DHX34: variants seen among roughly 807,000 people sequenced by gnomAD.
DHX34 encodes the protein DExH-box helicase 34.
Under a neutral mutation model 111.1 loss-of-function variants are expected in DHX34, and 96 were observed. That is an observed-to-expected ratio of 0.86 (90% CI 0.73 to 1.02). The LOEUF (loss-of-function observed/expected upper bound fraction) is 1.02, where lower values mean the gene tolerates loss of function less well. Among genes scored for constraint, DHX34 ranks in the 50% least tolerant of loss-of-function variants. The pLI, the probability that DHX34 is intolerant of heterozygous loss-of-function variation, is 0.00. For synonymous variants in DHX34, 688 were observed against 670.4 expected (o/e 1.03, Z -0.41); for missense variants, 1,560 against 1,579.9 (o/e 0.99, Z 0.21).
intron 6 of DHX34, 142 bp from the exon 7 acceptor site, chr19:47,366,839 G>T: frequency 7.4e-7 from 1 of 1,354,098 alleles, no homozygotes; most frequent in Non-Finnish European, 9.6e-7. Flanking sequence ...CTTTCAAAGT[G>T]CTGGGATTAC....
chr19:47,367,198 C>T (rs560870337), intron 7 of DHX34, 43 bp downstream of exon 7: 21 of 1,387,454 alleles, frequency 1.5e-5, no homozygotes, highest in African/African-American at 1.2e-4. Context: ...GCCCCAGGAG[C>T]GGGTATGGGC....
At chr19:47,377,025 C>G in intron 12 of DHX34, 75 bp from the exon 13 acceptor site, 1 of 1,607,924 alleles carries the variant, frequency 6.2e-7, no homozygotes, top group South Asian at 1.1e-5. Context: ...GTACTTTGAC[C>G]GGGTGGGACA....
At chr19:47,380,674 C>T (rs1970322997) in intron 14 of DHX34, 142 bp from the exon 15 acceptor site, 1 of 1,470,540 alleles carries the variant, frequency 6.8e-7, no homozygotes, top group South Asian at 1.4e-5. Context: ...TGTGTGTCTG[C>T]AGCCAAATTG....
At chr19:47,352,112 A>C (rs1190037282) in intron 1 of DHX34, among the ~76,000 whole-genome samples, 1 of 152,178 alleles carries the variant, frequency 6.6e-6, no homozygotes, top group Non-Finnish European at 1.5e-5. Flanking sequence ...TGTGACCTAC[A>C]TCTCTCCTTT....
Position 47,353,067 on chromosome 19 carries a change from C to G in DHX34, c.37C>G (p.Arg13Gly). 1 of 1,613,730 alleles carries G rather than the reference C, an allele frequency of 6.2e-7. No homozygotes were observed. The highest frequency in any genetic ancestry group is 8.5e-7 in the Non-Finnish European group (1 of 1,179,700). The part of the protein sequence containing the change: ...PPRTREGRDR[R>G]DHHRAPSEEE... ...TAGAACAAGGGAGGGCAGGGATCGC[C>G]GAGACCACCACCGGGCTCCCAGCGA... Residue 13 changes from arginine to glycine, a missense_variant, in exon 2 of 17, where the codon CGA (arginine) becomes GGA (glycine). Coordinates refer to ENST00000328771, the MANE Select transcript of DHX34 (RefSeq NM_014681.6). This position sits in a 1 kb window ranked among gnomAD's most constrained non-coding sequence, Gnocchi z 4.6.
In DHX34 at chr19:47,380,887, A is replaced by C. The variant is rs149180728; in HGVS notation, c.3054A>C (p.Pro1018=). ...QNMYVGPQTI[P]ATPHLPGLFG... ...TGTATGTGGGACCCCAGACCATCCC[A>C]GCCACCCCCCATCTTCCTGGCCTCT... Residue 1018 remains proline (P), a synonymous_variant, in exon 15 of 17, where the codon CCA becomes CCC. Transcript: ENST00000328771. 3.7e-6 allele frequency: 6 copies of C among 1,613,428 alleles called. No homozygotes were observed. The African/African-American group carries it at 8.0e-5, about 22-fold the overall frequency.
chr19:47,353,593 G>T lies in DHX34; in HGVS notation c.563G>T (p.Gly188Val). Reference protein sequence around the residue: ...HQVVVVAGDTGCGKSTQVPQY... With the variant: ...HQVVVVAGDTVCGKSTQVPQY... The stretch of plus-strand genomic sequence containing the variant: ...GTGGTGGTAGTGGCCGGTGACACCG[G>T]CTGTGGCAAGTCCACTCAGGTGCCC... The change falls in exon 2 of 17, where the codon GGC becomes GTC. Residue 188 changes from glycine (G) to valine (V), a missense_variant. Gly to Val is a moderately radical substitution (Grantham distance 109, BLOSUM62 -3). Coordinates refer to ENST00000328771, the MANE Select transcript of DHX34 (RefSeq NM_014681.6). This position sits in a 1 kb window ranked among gnomAD's most constrained non-coding sequence, Gnocchi z 4.6. The T allele has an allele frequency of 6.2e-7, 1 of 1,613,074 alleles. No individual in the cohort carries two copies. Among genetic ancestry groups the T allele is most frequent in the Non-Finnish European group, 8.5e-7 (1 of 1,180,008 alleles).
In DHX34 at chr19:47,379,165, G is replaced by T. The variant is rs561228381; in HGVS notation, c.2707-545G>T. Among the ~76,000 whole-genome samples, 17 of 151,928 alleles carry T rather than the reference G, an allele frequency of 1.1e-4. No homozygotes were observed. The South Asian group carries it at 1.9e-3, about 17-fold the overall frequency. On this transcript the variant is annotated intron_variant, in intron 13 of 16. Transcript: ENST00000328771. ...AAATTAATAATAATAATAATAAGAAGAAGAAGATGGAGAAACTTCACATTC... is the reference window on the plus strand; with the variant it reads ...AAATTAATAATAATAATAATAAGAATAAGAAGATGGAGAAACTTCACATTC...
Position 47,371,370 on chromosome 19 carries a change from G to A in DHX34, c.1769-1360G>A, listed in dbSNP as rs147464819. Reference sequence around the variant, plus strand: ...GTGCTGGGCGTCCTCTGTGCCAGGTGGAGTTCTGAACGCTTCACAGGGTGA... The same window carrying A: ...GTGCTGGGCGTCCTCTGTGCCAGGTAGAGTTCTGAACGCTTCACAGGGTGA... On this transcript the variant is annotated intron_variant, in intron 7 of 16. Coordinates refer to ENST00000328771, the MANE Select transcript of DHX34 (RefSeq NM_014681.6). 5.6e-4 allele frequency among the ~76,000 whole-genome samples: 86 copies of A among 152,358 alleles called. 1 individual carries two copies. In the East Asian group the frequency reaches 9.5e-3, roughly 17 times the overall value.
At chr19:47,351,863 G>A (rs1969297843) in intron 1 of DHX34, among the ~76,000 whole-genome samples, 1 of 152,168 alleles carries the variant, frequency 6.6e-6, no homozygotes, top group Non-Finnish European at 1.5e-5. Context: ...TCAGAACCAT[G>A]TAGAATCGAG....
At chr19:47,366,865 C>G (rs183715346) in intron 6 of DHX34, 116 bp from the exon 7 acceptor site, 8 of 1,380,962 alleles carry the variant, frequency 5.8e-6, no homozygotes, top group African/African-American at 1.5e-5. Flanking sequence ...TGAGCCACAA[C>G]GCCCGGCCAA....
chr19:47,364,923 G>A (rs1338983406), intron 6 of DHX34, among the ~76,000 whole-genome samples: 1 of 152,054 alleles, frequency 6.6e-6, no homozygotes, highest in Non-Finnish European at 1.5e-5. Flanking sequence ...AGGCACAGTG[G>A]GCGTCACCTC....
At chr19:47,372,451 T>C (rs1015688753) in intron 7 of DHX34, among the ~76,000 whole-genome samples, 3 of 151,458 alleles carry the variant, frequency 2.0e-5, no homozygotes, top group Non-Finnish European at 2.9e-5. Flanking sequence ...GTGACAGGAG[T>C]AGTCAGCGCT....
intron 6 of DHX34, among the ~76,000 whole-genome samples, 173 bp downstream of exon 6, chr19:47,362,866 G>T (rs1969677831): frequency 6.6e-6 from 1 of 152,054 alleles, no homozygotes; most frequent in African/African-American, 2.4e-5. Flanking sequence ...CATATTACAG[G>T]CTCAAATGAT....
chr19:47,380,007 G>A lies in DHX34; in HGVS notation c.2982+22G>A, dbSNP rs73065330. 10,218 of 1,557,748 alleles carry A rather than the reference G, an allele frequency of 6.6e-3. 46 individuals are homozygous for A. Among genetic ancestry groups the A allele is most frequent in the Non-Finnish European group, 7.9e-3 (9,020 of 1,144,052 alleles). On this transcript the variant is annotated intron_variant, in intron 14 of 16. Transcript: ENST00000328771. Reference sequence around the variant, plus strand: ...CAAGGTACCCTCCACCAGGGTGCCCGTGCCTCCCTATGGCCAGAAGGGGCA... The same window carrying A: ...CAAGGTACCCTCCACCAGGGTGCCCATGCCTCCCTATGGCCAGAAGGGGCA...
intron 14 of DHX34, among the ~76,000 whole-genome samples, chr19:47,380,430 G>A (rs778511433): frequency 3.3e-5 from 5 of 151,996 alleles, no homozygotes; most frequent in Non-Finnish European, 5.9e-5. Flanking sequence ...TACAATCCAG[G>A]CTGACTTCCT....
intron 8 of DHX34, 59 bp from the exon 9 acceptor site, chr19:47,373,540 G>A: frequency 1.3e-6 from 2 of 1,574,672 alleles, no homozygotes; most frequent in Non-Finnish European, 1.7e-6. Context: ...TGCTCGGTCA[G>A]CCCCTCCCTC....
chr19:47,356,184 G>A (rs748087137), intron 3 of DHX34, among the ~76,000 whole-genome samples: 34 of 152,238 alleles, frequency 2.2e-4, no homozygotes, highest in Non-Finnish European at 4.1e-4. Context: ...ATTGCCATAT[G>A]TTCCCTCTGG....
At chr19:47,373,367 A>G (rs908440984) in intron 8 of DHX34, 48 of 568,350 alleles carry the variant, frequency 8.4e-5, no homozygotes, top group Admixed American at 4.4e-4. Flanking sequence ...CAACCCAGAG[A>G]GGGCTGGAAT....
Sources: gnomAD v4.1 joint callset for allele counts (sites outside exome capture counted in the v4.1 genomes callset) on GRCh38, gnomAD v4.1.1 for gene constraint, Gnocchi (gnomAD v3.1) non-coding constraint, MANE v1.5 for transcripts, NCBI Gene and HGNC (gene_info 2026-07-23, HGNC 2026-07-21) for gene names.